The following FRMD4A variants were observed in gnomAD, a reference collection of about 807,000 sequenced individuals.
FRMD4A encodes FERM domain containing 4A.
FRMD4A carries 29 observed loss-of-function variants against 129.1 expected under a neutral mutation model. The observed-to-expected ratio is 0.22, with a 90% CI of 0.17 to 0.31. FRMD4A has a LOEUF of 0.31. FRMD4A is among the 10% of genes least tolerant of loss of function. FRMD4A has a pLI of 1.00. For missense variants in FRMD4A, 1,272 were observed against 1,375.8 expected, an observed-to-expected ratio of 0.92 and a Z score of 1.19; for synonymous variants, 634 against 571.6, an observed-to-expected ratio of 1.11 and a Z score of -1.56.
intron 6 of FRMD4A, 28 bp from the exon 7 acceptor site, chr10:13,762,708 C>G (rs1350398448): frequency 1.3e-6 from 2 of 1,521,600 alleles, no homozygotes; most frequent in Non-Finnish European, 1.8e-6. Context: ...CAAACGAAGA[C>G]AAGTTTGGTA....
At chr10:13,948,312 A>G (rs1265597668) in intron 2 of FRMD4A, among the ~76,000 whole-genome samples, 1 of 151,896 alleles carries the variant, frequency 6.6e-6, no homozygotes, top group Non-Finnish European at 1.5e-5. Flanking sequence ...TTAGCCTCCC[A>G]AAGTGCTGGG....
intron 2 of FRMD4A, among the ~76,000 whole-genome samples, chr10:14,198,058 G>T (rs887632702): frequency 6.6e-6 from 1 of 152,172 alleles, no homozygotes; most frequent in Non-Finnish European, 1.5e-5. Context: ...CATCCTAGTA[G>T]GAAACATGCC....
At chr10:14,197,695 A>G (rs1221289565) in intron 2 of FRMD4A, among the ~76,000 whole-genome samples, 1 of 152,246 alleles carries the variant, frequency 6.6e-6, no homozygotes, top group Non-Finnish European at 1.5e-5. Context: ...CCACTGTACT[A>G]TTAAATTATT....
intron 2 of FRMD4A, among the ~76,000 whole-genome samples, chr10:14,009,040 C>T (rs2095672083): frequency 1.3e-5 from 2 of 152,248 alleles, no homozygotes; most frequent in Admixed American, 6.5e-5. Flanking sequence ...TGCCAGTAAA[C>T]AAGAAGAAAT....
intron 2 of FRMD4A, chr10:13,890,970 C>G (rs1369815536): frequency 2.6e-6 from 1 of 383,696 alleles, no homozygotes. Flanking sequence ...TACGCACAGG[C>G]AGCCCACGCA....
At chr10:14,112,951 G>C (rs530120943) in intron 2 of FRMD4A, among the ~76,000 whole-genome samples, 1 of 152,132 alleles carries the variant, frequency 6.6e-6, no homozygotes, top group Non-Finnish European at 1.5e-5. Flanking sequence ...TAATGGCTCG[G>C]TGTAAGTGTG....
At chr10:13,702,025 G>C (rs770164225) in intron 13 of FRMD4A, among the ~76,000 whole-genome samples, 1 of 152,138 alleles carries the variant, frequency 6.6e-6, no homozygotes, top group Non-Finnish European at 1.5e-5. Flanking sequence ...GAGAAGAAAG[G>C]CAGAGAGAAA....
intron 2 of FRMD4A, among the ~76,000 whole-genome samples, chr10:13,994,103 G>A (rs114771093): frequency 0.021 from 3,220 of 149,820 alleles, 134 homozygotes; most frequent in African/African-American, 0.074. Flanking sequence ...TTCACCTCCC[G>A]GGTTCAGCGA....
chr10:13,803,506 A>AT (rs2093299326), intron 4 of FRMD4A, among the ~76,000 whole-genome samples: 1 of 121,160 alleles, frequency 8.3e-6, no homozygotes. Context: ...TAATTAAACA[A>AT]ATTTTTTTTT....
At chr10:13,869,996 T>C (rs1349989453) in intron 2 of FRMD4A, among the ~76,000 whole-genome samples, 1 of 152,192 alleles carries the variant, frequency 6.6e-6, no homozygotes, top group African/African-American at 2.4e-5. Flanking sequence ...GAGCACTGGA[T>C]TGTATTATTA....
At chr10:14,237,599 C>T (rs1350858393) in intron 2 of FRMD4A, among the ~76,000 whole-genome samples, 1 of 152,120 alleles carries the variant, frequency 6.6e-6, no homozygotes, top group Non-Finnish European at 1.5e-5. Flanking sequence ...CAAAAGTGCT[C>T]GGATTACAGA....
intron 21 of FRMD4A, 123 bp from the exon 22 acceptor site, chr10:13,657,645 A>G: frequency 1.5e-6 from 2 of 1,347,116 alleles, no homozygotes; most frequent in Admixed American, 3.0e-5. Flanking sequence ...GCCCCAGCCC[A>G]GCAAGCCAGA....
Position 13,824,321 on chromosome 10 carries a change from C to CAAAAAAAAAAAAAA in FRMD4A, c.112-13427_112-13414dup, listed in dbSNP as rs397721588. Among the ~76,000 whole-genome samples, 21 of 99,054 alleles carry CAAAAAAAAAAAAAA rather than the reference C, an allele frequency of 2.1e-4. 1 individual carries two copies. In the East Asian group the frequency reaches 2.3e-3, roughly 11 times the overall value. The allele number at this position is 99,054 out of a possible 152,430, so 65.0% of individuals were successfully genotyped here. A position where few individuals can be genotyped will look rare whatever the true frequency, so the allele number is the denominator to read the frequency against. ...TGAAACCCTATCTGTACTAAAAATACAAAAAAAAAAAAAAAAAAAAAATTA... is the reference window on the plus strand; with the variant it reads ...TGAAACCCTATCTGTACTAAAAATACAAAAAAAAAAAAAAAAAAAAAAAAAAAAAAAAAAAATTA... On this transcript the variant is annotated intron_variant, in intron 3 of 24. Coordinates refer to ENST00000357447, the MANE Select transcript of FRMD4A (RefSeq NM_018027.5).
intron 4 of FRMD4A, among the ~76,000 whole-genome samples, chr10:13,803,383 G>A (rs1286976693): frequency 6.6e-6 from 1 of 152,134 alleles, no homozygotes; most frequent in African/African-American, 2.4e-5. Flanking sequence ...CCAGGCTGGA[G>A]TGCAATGGTG....
chr10:13,660,584 C>G (rs201790963), intron 19 of FRMD4A, 31 bp from the exon 20 acceptor site: 32 of 1,352,426 alleles, frequency 2.4e-5, no homozygotes, highest in Non-Finnish European at 2.1e-6. Flanking sequence ...AGGAACTGAG[C>G]CCCGGTCATC....
At chr10:14,238,380 C>T (rs927745893) in intron 2 of FRMD4A, among the ~76,000 whole-genome samples, 2 of 152,146 alleles carry the variant, frequency 1.3e-5, no homozygotes, top group Non-Finnish European at 2.9e-5. Context: ...CCAAGAAATT[C>T]GATAGTCACC....
intron 12 of FRMD4A, among the ~76,000 whole-genome samples, chr10:13,720,314 G>A (rs758835174): frequency 1.4e-4 from 22 of 152,196 alleles, no homozygotes; most frequent in Non-Finnish European, 1.9e-4. Context: ...CTCCCAAAGT[G>A]TTGGGATTAC....
At chr10:13,739,044 C>T (rs917417701) in intron 11 of FRMD4A, among the ~76,000 whole-genome samples, 1 of 152,186 alleles carries the variant, frequency 6.6e-6, no homozygotes, top group Non-Finnish European at 1.5e-5. Flanking sequence ...GCATATCAAG[C>T]AGCTTTTCCC....
intron 3 of FRMD4A, among the ~76,000 whole-genome samples, chr10:13,825,800 G>A (rs932570519): frequency 1.3e-5 from 2 of 152,216 alleles, no homozygotes; most frequent in African/African-American, 4.8e-5. Flanking sequence ...AATCATTTCA[G>A]ACTGTGGATA....
Sources: allele counts gnomAD v4.1 joint callset (sites outside exome capture counted in the v4.1 genomes callset), GRCh38; gene constraint gnomAD v4.1.1; transcripts MANE v1.5; gene names NCBI Gene and HGNC (gene_info 2026-07-23, HGNC 2026-07-21).